The following JRK variants were observed in gnomAD, a reference collection of about 807,000 sequenced individuals.
JRK encodes Jrk helix-turn-helix protein.
For synonymous variants in JRK, 303 were observed against 218.1 expected, an observed-to-expected ratio of 1.39 and a Z score of -3.43; for missense variants, 720 against 509.2, an observed-to-expected ratio of 1.41 and a Z score of -3.98.
In JRK at chr8:142,665,838, G is replaced by T; in HGVS notation, c.221C>A (p.Ala74Glu). The change falls in exon 2 of 2, where the codon GCG becomes GAG. Residue 74 changes from alanine (A) to glutamate (E), a missense_variant. Transcript: ENST00000612905. ...RFFASSDSNK[A>E]LEQRRTLHTP... ...GTGCAGCGTGCGCCGCTGCTCCAGC[G>T]CCTTGTTGGAGTCGGAGCTGGCGAA... The T allele has an allele frequency of 2.6e-6, 2 of 779,440 alleles. No individual in the cohort carries two copies. The highest frequency in any genetic ancestry group is 4.8e-6 in the Non-Finnish European group (2 of 417,982). 48.3% of individuals were successfully genotyped at this position (779,440 alleles called of 1,614,324 possible). A position where few individuals can be genotyped will look rare whatever the true frequency, so the allele number is the denominator to read the frequency against.
chr8:142,669,304 G>A (rs1847245417), intron 1 of JRK, among the ~76,000 whole-genome samples: 1 of 152,184 alleles, frequency 6.6e-6, no homozygotes, highest in Middle Eastern at 3.4e-3. Context: ...CAGAAGGAGA[G>A]TATGGGACAG....
intron 1 of JRK, among the ~76,000 whole-genome samples, chr8:142,668,580 T>C (rs1231026042): frequency 2.0e-5 from 3 of 151,732 alleles, no homozygotes. Flanking sequence ...CAGTAGCTTA[T>C]GAGGGACTAA....
chr8:142,651,395 GA>G, the JRK span, among the ~76,000 whole-genome samples: 413 of 135,836 alleles, frequency 3.0e-3, no homozygotes, highest in Middle Eastern at 0.011. Flanking sequence ...TGTCATGCTG[GA>G]AAAAAAAAAA....
chr8:142,664,481 C>G lies in JRK; in HGVS notation c.1578G>C (p.Gln526His), dbSNP rs1847021518. 6.2e-7 allele frequency: 1 copy of G among 1,610,930 alleles called. No homozygotes were observed. Among genetic ancestry groups the G allele is most frequent in the Admixed American group, 1.7e-5 (1 of 59,738 alleles). ...RALRAVFRSQQQVRRRRGALG... is the reference protein window; with the variant it reads ...RALRAVFRSQHQVRRRRGALG... ...GGGCACCACGCCGCCTCCTCACCTG[C>G]TGCTGGCTCCGGAACACGGCACGCA... The change falls in exon 2 of 2, where the codon CAG (glutamine) becomes CAC (histidine). Residue 526 changes from glutamine (Q) to histidine (H), a missense_variant. By Grantham distance (24) the Gln-to-His change is conservative. Coordinates refer to ENST00000612905, the MANE Select transcript of JRK (RefSeq NM_003724.4).
In JRK at chr8:142,659,014, T is replaced by C; in HGVS notation, c.*5338A>G. ...GTCCACACCATAGGGGTGTAGTCAC[T>C]TCCCTCTGCCAGGGAGAATGGTGGA... On this transcript the variant is annotated 3_prime_UTR_variant, in exon 2 of 2. Transcript: ENST00000612905. 2.0e-6 allele frequency: 3 copies of C among 1,522,848 alleles called. No individual in the cohort carries two copies. The highest frequency in any genetic ancestry group is 2.7e-6 in the Non-Finnish European group (3 of 1,129,698). 94.3% of individuals were successfully genotyped at this position (1,522,848 alleles called of 1,614,324 possible).
At position 142,665,400 on chromosome 8, in the gene JRK, A is replaced by C. The variant is rs1554635672; in HGVS notation, c.659T>G (p.Met220Arg). ...KQGKDRLTVL[M>R]CANATGSHRL... Reference sequence around the variant, plus strand: ...GTGGGAGCCCGTGGCGTTGGCACACATCAGCACGGTCAGCCGGTCCTTGCC... The same window carrying C: ...GTGGGAGCCCGTGGCGTTGGCACACCTCAGCACGGTCAGCCGGTCCTTGCC... Residue 220 changes from methionine to arginine, a missense_variant, in exon 2 of 2, where the codon ATG becomes AGG. Transcript: ENST00000612905. 1 of 717,530 alleles carries C rather than the reference A, an allele frequency of 1.4e-6. No individual in the cohort carries two copies. Among genetic ancestry groups the C allele is most frequent in the African/African-American group, 1.7e-5 (1 of 57,256 alleles). 44.4% of individuals were successfully genotyped at this position (717,530 alleles called of 1,614,324 possible).
In JRK at chr8:142,661,756, T is replaced by C; in HGVS notation, c.*2596A>G. 1.0e-6 allele frequency: 1 copy of C among 985,490 alleles called. No homozygotes were observed. Among genetic ancestry groups the C allele is most frequent in the Non-Finnish European group, 1.2e-6 (1 of 829,964 alleles). 61.0% of individuals were successfully genotyped at this position (985,490 alleles called of 1,614,324 possible). On this transcript the variant is annotated 3_prime_UTR_variant, in exon 2 of 2. Transcript: ENST00000612905. ...CCTCACAGAGCTGTGCTGTGGTGTC[T>C]GGTACAGCGGGGCTCCACCTGAGAG... is the stretch of plus-strand genomic sequence containing the variant.
chr8:142,655,760 C>T (rs1563787514), downstream of JRK, among the ~76,000 whole-genome samples: 1 of 152,208 alleles, frequency 6.6e-6, no homozygotes, highest in Non-Finnish European at 1.5e-5. Flanking sequence ...CGTTCTGCCT[C>T]CTGTCTTCTT....
At position 142,665,006 on chromosome 8, in the gene JRK, C is replaced by T. The variant is rs1266405089; in HGVS notation, c.1053G>A (p.Gln351=). 27 of 717,394 alleles carry T rather than the reference C, an allele frequency of 3.8e-5. No homozygotes were observed. The East Asian group carries it at 6.2e-4, about 16-fold the overall frequency. 44.4% of individuals were successfully genotyped at this position (717,394 alleles called of 1,614,324 possible). A position where few individuals can be genotyped will look rare whatever the true frequency, so the allele number is the denominator to read the frequency against. The change falls in exon 2 of 2, where the codon CAG becomes CAA. Residue 351 remains glutamine, a synonymous_variant. Transcript: ENST00000612905. ...TCATGTTGTAGCGGGCGTGGGGGCC[C>T]TGCAGGGGGACCGGAGGGTTAATGA... ...RNFINPPVPL[Q]GPHARYNMND...
chr8:142,659,775 G>A lies in JRK; in HGVS notation c.*4577C>T. 1.0e-6 allele frequency: 1 copy of A among 985,548 alleles called. No homozygotes were observed. Among genetic ancestry groups the A allele is most frequent in the Non-Finnish European group, 1.2e-6 (1 of 829,994 alleles). 61.1% of individuals were successfully genotyped at this position (985,548 alleles called of 1,614,324 possible). ...TGGTGAACAGCAGGGAGTGAGCAGT[G>A]GAGAACGTGAGGCTGGTCATTAGGA... On this transcript the variant is annotated 3_prime_UTR_variant, in exon 2 of 2. Transcript: ENST00000612905.
In JRK at chr8:142,663,560, A is replaced by C. The variant is rs946597805; in HGVS notation, c.*792T>G. ...ACATGGTACATTGGACTCTGAGCCA[A>C]AATGCCAAAATACCACACAGGGTCC... On this transcript the variant is annotated 3_prime_UTR_variant, in exon 2 of 2. Transcript: ENST00000612905. 1 of 985,370 alleles carries C rather than the reference A, an allele frequency of 1.0e-6. No individual in the cohort carries two copies. The highest frequency in any genetic ancestry group is 1.2e-6 in the Non-Finnish European group (1 of 829,952). The allele number at this position is 985,370 out of a possible 1,614,324, so 61.0% of individuals were successfully genotyped here.
rs146923105 is a variant in JRK, at chr8:142,661,270, G to A, written c.*3082C>T. 3.2e-4 allele frequency: 320 copies of A among 985,458 alleles called. No individual in the cohort carries two copies. In the African/African-American group the frequency reaches 4.6e-3, roughly 14 times the overall value. The allele number at this position is 985,458 out of a possible 1,614,324, so 61.0% of individuals were successfully genotyped here. On this transcript the variant is annotated 3_prime_UTR_variant, in exon 2 of 2. Transcript: ENST00000612905. ...AGGTGTTCTGTAAACCAACCCCAAC[G>A]TAGAAGGGGCTGAAAGACCACCTAC...
Position 142,664,567 on chromosome 8 carries a change from G to C in JRK, c.1492C>G (p.Leu498Val), listed in dbSNP as rs782039981. ...CATGGCTGCCGCTCCGCAAAGCGCA[G>C]GACTGCGTCAAAGGCCACGGCCGCC... ...EQAAVAFDAV[L>V]RFAERQPCFS... is the part of the protein sequence containing the mutation. Residue 498 changes from leucine to valine, a missense_variant, in exon 2 of 2, where the codon CTG becomes GTG. Transcript: ENST00000612905. 6.2e-7 allele frequency: 1 copy of C among 1,608,596 alleles called. No individual in the cohort carries two copies. Among genetic ancestry groups the C allele is most frequent in the Non-Finnish European group, 8.5e-7 (1 of 1,178,482 alleles).
At position 142,663,549 on chromosome 8, in the gene JRK, A is replaced by T. The variant is rs895076042; in HGVS notation, c.*803T>A. ...AATTCTGGGCAACATGGTACATTGGACTCTGAGCCAAAATGCCAAAATACC... is the reference window on the plus strand; with the variant it reads ...AATTCTGGGCAACATGGTACATTGGTCTCTGAGCCAAAATGCCAAAATACC... On this transcript the variant is annotated 3_prime_UTR_variant, in exon 2 of 2. Transcript: ENST00000612905. 4.9e-5 allele frequency: 48 copies of T among 985,342 alleles called. No homozygotes were observed. The highest frequency in any genetic ancestry group is 5.7e-5 in the Non-Finnish European group (47 of 829,952). The allele number at this position is 985,342 out of a possible 1,614,324, so 61.0% of individuals were successfully genotyped here.
downstream of JRK, among the ~76,000 whole-genome samples, chr8:142,657,090 G>A (rs1269419184): frequency 6.6e-6 from 1 of 152,180 alleles, no homozygotes; most frequent in Non-Finnish European, 1.5e-5. Flanking sequence ...GAAGCAGGCT[G>A]GAAACTCTGC....
At position 142,658,515 on chromosome 8, in the gene JRK, A is replaced by T. The variant is rs1316596009; in HGVS notation, c.*5837T>A. On this transcript the variant is annotated 3_prime_UTR_variant, in exon 2 of 2. Coordinates refer to ENST00000612905, the MANE Select transcript of JRK (RefSeq NM_003724.4). ...ATTACAGGCGTGAGCCACTGCACCC[A>T]GCTTGAAGATGGCAGTTTTCTTGTA... 1 of 209,218 alleles carries T rather than the reference A, an allele frequency of 4.8e-6. No homozygotes were observed. Among genetic ancestry groups the T allele is most frequent in the Admixed American group, 5.4e-5 (1 of 18,410 alleles). 13.0% of individuals were successfully genotyped at this position (209,218 alleles called of 1,614,324 possible).
downstream of JRK, among the ~76,000 whole-genome samples, chr8:142,656,844 C>A (rs757029902): frequency 2.0e-4 from 31 of 152,156 alleles, no homozygotes; most frequent in Non-Finnish European, 3.4e-4. Context: ...TCTGGGCTTG[C>A]CTCTCAGTGT....
the JRK span, among the ~76,000 whole-genome samples, chr8:142,650,590 C>T: frequency 1.3e-5 from 2 of 152,178 alleles, no homozygotes; most frequent in African/African-American, 4.8e-5. Context: ...GGGAGTTTCT[C>T]TGCACAAACT....
Position 142,662,523 on chromosome 8 carries a change from A to G in JRK, c.*1829T>C, listed in dbSNP as rs1354055599. 8 of 985,394 alleles carry G rather than the reference A, an allele frequency of 8.1e-6. No individual in the cohort carries two copies. The highest frequency in any genetic ancestry group is 9.6e-6 in the Non-Finnish European group (8 of 829,968). 61.0% of individuals were successfully genotyped at this position (985,394 alleles called of 1,614,324 possible). A position where few individuals can be genotyped will look rare whatever the true frequency, so the allele number is the denominator to read the frequency against. Reference sequence around the variant, plus strand: ...GCAAACAGTGCGGGTGACACCACAAAGACAATGGGACACAAATGGGAACTG... The same window carrying G: ...GCAAACAGTGCGGGTGACACCACAAGGACAATGGGACACAAATGGGAACTG... On this transcript the variant is annotated 3_prime_UTR_variant, in exon 2 of 2. Transcript: ENST00000612905.
Sources: allele counts gnomAD v4.1 joint callset (sites outside exome capture counted in the v4.1 genomes callset), GRCh38; gene constraint gnomAD v4.1.1; transcripts MANE v1.5; gene names NCBI Gene and HGNC (gene_info 2026-07-23, HGNC 2026-07-21).